Variants in MEPE observed in about 807,000 individuals in gnomAD.
MEPE encodes the protein matrix extracellular phosphoglycoprotein.
A neutral mutation model predicts 7.3 loss-of-function variants in MEPE; 7 were observed. The ratio of observed to expected loss-of-function variants is 0.95; its 90% CI spans 0.54 to 1.79. The LOEUF (loss-of-function observed/expected upper bound fraction) is 1.79, where lower values mean the gene tolerates loss of function less well. Ranked by LOEUF, MEPE falls within the 40% of genes most tolerant of loss-of-function variation. The probability of loss-of-function intolerance (pLI) is 0.00; values close to 1 mark genes in which losing one functional copy is unlikely to be tolerated. For synonymous variants in MEPE, 214 were observed against 213.1 expected (o/e 1.00, Z -0.04); for missense variants, 623 against 628.2 (o/e 0.99, Z 0.09).
intron 3 of MEPE, among the ~76,000 whole-genome samples, chr4:87,841,181 A>C (rs1171353703): frequency 6.6e-6 from 1 of 152,158 alleles, no homozygotes; most frequent in Non-Finnish European, 1.5e-5. Flanking sequence ...GACAAGGGAG[A>C]GAAAAAATTA....
At chr4:87,839,657 G>A in intron 3 of MEPE, 1 of 1,481,780 alleles carries the variant, frequency 6.7e-7, no homozygotes, top group Non-Finnish European at 9.2e-7. Context: ...GATAAAACGT[G>A]CCTCAATATA....
intron 3 of MEPE, chr4:87,839,654 C>T (rs1382969011): frequency 8.2e-6 from 12 of 1,471,558 alleles, no homozygotes; most frequent in Admixed American, 6.1e-5. Context: ...AGAGATAAAA[C>T]GTGCCTCAAT....
At position 87,823,348 on chromosome 4, in the gene MEPE, A is replaced by G. The variant is rs931690529; in HGVS notation, c.-13+1877A>G. On this transcript the variant is annotated intron_variant, in intron 1 of 3. Transcript: ENST00000424957. ...CTTACCTCCTTCAACACGATGACTC[A>G]ATCAATATCCTCTGCAGCTGGTAGC... is the stretch of plus-strand genomic sequence containing the variant. 2.8e-4 allele frequency among the ~76,000 whole-genome samples: 43 copies of G among 152,184 alleles called. 2 individuals are homozygous for G. The highest frequency in any genetic ancestry group is 2.7e-3 in the Admixed American group (42 of 15,278).
At chr4:87,831,549 A>C (rs1307096407), upstream of MEPE, among the ~76,000 whole-genome samples, 2 of 152,088 alleles carry the variant, frequency 1.3e-5, no homozygotes, top group Admixed American at 6.6e-5. Flanking sequence ...TCAAGCCTCC[A>C]TCATCTCTGG....
rs17013285 is a variant in MEPE, at chr4:87,845,856, G to C, written c.988G>C (p.Val330Leu). ...RDETAKEADA[V>L]DVSLVEGSND... is the part of the protein sequence containing the mutation. ...TGAAACTGCGAAAGAGGCAGATGCT[G>C]TTGATGTCAGCCTTGTAGAGGGCAG... Residue 330 changes from valine (V) to leucine (L), a missense_variant, in exon 4 of 4, where the codon GTT (valine) becomes CTT (leucine). Coordinates refer to ENST00000361056, the MANE Select transcript of MEPE (RefSeq NM_020203.6). 1.2e-6 allele frequency: 2 copies of C among 1,613,786 alleles called. No homozygotes were observed. Among genetic ancestry groups the C allele is most frequent in the Non-Finnish European group, 1.7e-6 (2 of 1,179,938 alleles).
At chr4:87,835,165 A>G (rs939474655) in intron 2 of MEPE, among the ~76,000 whole-genome samples, 1 of 152,216 alleles carries the variant, frequency 6.6e-6, no homozygotes, top group Non-Finnish European at 1.5e-5. Context: ...AACCAGCTAG[A>G]TTTAGTAAAT....
chr4:87,823,392 G>A (rs554630312), intron 1 of MEPE, among the ~76,000 whole-genome samples: 13 of 152,166 alleles, frequency 8.5e-5, no homozygotes, highest in Admixed American at 7.9e-4. Context: ...TAGCAGAGGG[G>A]ACCCATCTTT....
At chr4:87,832,154 C>T (rs1578053991), upstream of MEPE, among the ~76,000 whole-genome samples, 1 of 151,984 alleles carries the variant, frequency 6.6e-6, no homozygotes, top group Non-Finnish European at 1.5e-5. Flanking sequence ...TCTTCTTGCC[C>T]TTTTATAAGG....
intron 3 of MEPE, among the ~76,000 whole-genome samples, chr4:87,839,024 C>T (rs1370133910): frequency 6.6e-6 from 1 of 152,112 alleles, no homozygotes; most frequent in Non-Finnish European, 1.5e-5. Flanking sequence ...ACACATGTAC[C>T]TGACAAACAC....
At chr4:87,822,980 G>C (rs1332972223) in intron 1 of MEPE, among the ~76,000 whole-genome samples, 4 of 152,340 alleles carry the variant, frequency 2.6e-5, no homozygotes, top group African/African-American at 7.2e-5. Context: ...GTGCAAGGTT[G>C]TCAGGAAGTT....
chr4:87,844,542 C>T (rs984344800), intron 3 of MEPE, among the ~76,000 whole-genome samples: 1 of 151,948 alleles, frequency 6.6e-6, no homozygotes, highest in Non-Finnish European at 1.5e-5. Context: ...CTCCTTTAGG[C>T]AGATGAATAC....
intron 1 of MEPE, among the ~76,000 whole-genome samples, chr4:87,834,438 A>G (rs1346620865): frequency 6.6e-6 from 1 of 152,246 alleles, no homozygotes. Flanking sequence ...TCTATAAAAT[A>G]TATTTCTATC....
chr4:87,821,757 G>A (rs538186929), intron 1 of MEPE, among the ~76,000 whole-genome samples: 52 of 152,228 alleles, frequency 3.4e-4, no homozygotes, highest in African/African-American at 1.1e-3. Context: ...CTGAGGCCCC[G>A]TAAGCCTGCA....
Position 87,846,545 on chromosome 4 carries a change from G to C in MEPE, c.*99G>C. 1 of 1,369,602 alleles carries C rather than the reference G, an allele frequency of 7.3e-7. No homozygotes were observed. Among genetic ancestry groups the C allele is most frequent in the Admixed American group, 2.3e-5 (1 of 44,352 alleles). The allele number at this position is 1,369,602 out of a possible 1,614,324, so 84.8% of individuals were successfully genotyped here. On this transcript the variant is annotated 3_prime_UTR_variant, in exon 4 of 4. Transcript: ENST00000361056. ...CTGACAGCTGACCAGGTGAAGAGAG[G>C]ATAGAGTGAAGAACTGAGTGAGCCA...
upstream of MEPE, among the ~76,000 whole-genome samples, chr4:87,830,813 T>C (rs1722577745): frequency 9.6e-6 from 1 of 103,926 alleles, no homozygotes; most frequent in African/African-American, 3.6e-5. Context: ...ACAGCAGAAT[T>C]TAGATATGAT....
intron 3 of MEPE, among the ~76,000 whole-genome samples, chr4:87,839,479 G>A (rs931113497): frequency 6.6e-6 from 1 of 151,684 alleles, no homozygotes; most frequent in Admixed American, 6.6e-5. Context: ...CAGATTTAGA[G>A]TTATGTAGAA....
At chr4:87,825,318 C>G (rs1646070705) in intron 1 of MEPE, among the ~76,000 whole-genome samples, 1 of 152,182 alleles carries the variant, frequency 6.6e-6, no homozygotes, top group Admixed American at 6.5e-5. Context: ...ACAACCATTA[C>G]TCCTGCTACA....
intron 2 of MEPE, 59 bp from the exon 3 acceptor site, chr4:87,838,570 TGAA>T: frequency 1.4e-6 from 2 of 1,434,598 alleles, no homozygotes; most frequent in East Asian, 4.6e-5. Flanking sequence ...AACATTTGTT[TGAA>T]GAAGTTAATG....
chr4:87,840,071 G>C lies in MEPE; in HGVS notation c.108+1386G>C, dbSNP rs1052971926. On this transcript the variant is annotated intron_variant, in intron 3 of 3. Coordinates refer to ENST00000361056, the MANE Select transcript of MEPE (RefSeq NM_020203.6). ...GGACCTCAGGTGCCCATGGACTGCT[G>C]TGTTACTGCTTCTGAGTAACATTTG... 2.0e-6 allele frequency: 3 copies of C among 1,532,170 alleles called. No individual in the cohort carries two copies. In the African/African-American group the frequency reaches 4.1e-5, roughly 21 times the overall value. The allele number at this position is 1,532,170 out of a possible 1,614,324, so 94.9% of individuals were successfully genotyped here. A position where few individuals can be genotyped will look rare whatever the true frequency, so the allele number is the denominator to read the frequency against.
Sources: allele counts gnomAD v4.1 joint callset (sites outside exome capture counted in the v4.1 genomes callset), GRCh38; gene constraint gnomAD v4.1.1; transcripts MANE v1.5; gene names NCBI Gene and HGNC (gene_info 2026-07-23, HGNC 2026-07-21).